The following NRG3 variants were observed in gnomAD, a reference collection of about 807,000 sequenced individuals.
The protein encoded by NRG3 is pro-neuregulin-3, membrane-bound isoform.
NRG3 carries 31 observed loss-of-function variants against 66.9 expected under a neutral mutation model. That is an observed-to-expected ratio of 0.46 (90% CI 0.35 to 0.63). The LOEUF is 0.63. Among genes scored for constraint, NRG3 ranks in the 20% least tolerant of loss-of-function variants. The probability of loss-of-function intolerance (pLI) is 0.00; values close to 1 mark genes in which losing one functional copy is unlikely to be tolerated. For missense variants in NRG3, 910 were observed against 878.9 expected, an observed-to-expected ratio of 1.04 and a Z score of -0.45; for synonymous variants, 393 against 359.4, an observed-to-expected ratio of 1.09 and a Z score of -1.06.
At chr10:82,769,114 A>G (rs1180449707) in intron 3 of NRG3, among the ~76,000 whole-genome samples, 1 of 152,158 alleles carries the variant, frequency 6.6e-6, no homozygotes, top group Admixed American at 6.6e-5. Flanking sequence ...TTTAACCCAT[A>G]AAGAAAATGG....
intron 2 of NRG3, among the ~76,000 whole-genome samples, chr10:82,388,402 C>T (rs2086146706): frequency 6.6e-6 from 1 of 152,050 alleles, no homozygotes; most frequent in South Asian, 2.1e-4. Flanking sequence ...ATCTGAGAAA[C>T]TAGAAGTATT....
At chr10:82,319,424 G>GCC (rs1564790867) in intron 1 of NRG3, among the ~76,000 whole-genome samples, 1 of 152,166 alleles carries the variant, frequency 6.6e-6, no homozygotes, top group African/African-American at 2.4e-5. Flanking sequence ...CCTAAATTCC[G>GCC]CCGAAAGGCA....
intron 1 of NRG3, among the ~76,000 whole-genome samples, chr10:81,934,798 G>T (rs1847710055): frequency 6.6e-6 from 1 of 152,030 alleles, no homozygotes; most frequent in South Asian, 2.1e-4. Flanking sequence ...GACAAATCAT[G>T]CTCTATTTGA....
intron 1 of NRG3, among the ~76,000 whole-genome samples, chr10:81,898,540 C>T (rs953557727): frequency 5.9e-5 from 9 of 152,150 alleles, no homozygotes; most frequent in Admixed American, 4.6e-4. Context: ...GACAGTTTGT[C>T]AGTAATTTTT....
intron 2 of NRG3, among the ~76,000 whole-genome samples, chr10:82,654,301 T>G (rs1421639754): frequency 6.6e-6 from 1 of 152,168 alleles, no homozygotes; most frequent in Non-Finnish European, 1.5e-5. Flanking sequence ...CAAATCATTT[T>G]AAAATAAAGA....
chr10:82,639,616 G>T (rs1320477714), intron 2 of NRG3, among the ~76,000 whole-genome samples: 2 of 152,248 alleles, frequency 1.3e-5, no homozygotes, highest in East Asian at 3.9e-4. Flanking sequence ...TTTCAAAGCT[G>T]CTAGAAGTTA....
intron 3 of NRG3, among the ~76,000 whole-genome samples, chr10:82,842,876 A>G (rs1225951269): frequency 6.6e-6 from 1 of 152,206 alleles, no homozygotes; most frequent in African/African-American, 2.4e-5. Context: ...GCAAGCCACC[A>G]CACCTGGCTA....
chr10:81,942,179 C>T (rs1421805487), intron 1 of NRG3, among the ~76,000 whole-genome samples: 1 of 152,036 alleles, frequency 6.6e-6, no homozygotes, highest in African/African-American at 2.4e-5. Context: ...AGACTCCAAC[C>T]CAGAATTCAA....
intron 1 of NRG3, among the ~76,000 whole-genome samples, chr10:82,065,107 A>G (rs1187003479): frequency 1.3e-5 from 2 of 152,162 alleles, no homozygotes; most frequent in Non-Finnish European, 2.9e-5. Flanking sequence ...TTCTAAAATA[A>G]TGGATTTTCA....
chr10:81,947,288 C>A (rs1848931817), intron 1 of NRG3, among the ~76,000 whole-genome samples: 2 of 152,140 alleles, frequency 1.3e-5, no homozygotes, highest in African/African-American at 4.8e-5. Context: ...CCCACTCCAG[C>A]AACCTCATTT....
At chr10:82,291,293 C>T (rs998607501) in intron 1 of NRG3, among the ~76,000 whole-genome samples, 2 of 152,078 alleles carry the variant, frequency 1.3e-5, no homozygotes, top group African/African-American at 4.8e-5. Flanking sequence ...CTTTAAAAAA[C>T]ATAATCTGTA....
chr10:82,474,353 T>C (rs1055121099), intron 2 of NRG3, among the ~76,000 whole-genome samples: 3 of 150,118 alleles, frequency 2.0e-5, no homozygotes, highest in Admixed American at 1.4e-4. Flanking sequence ...AAAACATGAA[T>C]GGATGACTAA....
At position 82,173,266 on chromosome 10, in the gene NRG3, T is replaced by C. The variant is rs557668661; in HGVS notation, c.824-185473T>C. ...AAAAAGGCCAATGTAGCCAGATACA[T>C]TAAGTTTTTTTTTTTTCCATTTGTC... is the stretch of plus-strand genomic sequence containing the variant. On this transcript the variant is annotated intron_variant, in intron 1 of 8. Coordinates refer to ENST00000372141, the MANE Select transcript of NRG3 (RefSeq NM_001010848.4). Among the ~76,000 whole-genome samples the C allele has an allele frequency of 3.3e-5, 5 of 149,992 alleles. No homozygotes were observed. The East Asian group carries it at 1.0e-3, about 31-fold the overall frequency.
chr10:82,273,360 G>T (rs552283737), intron 1 of NRG3, among the ~76,000 whole-genome samples: 1 of 151,870 alleles, frequency 6.6e-6, no homozygotes, highest in African/African-American at 2.4e-5. Context: ...AAAGTACAAG[G>T]GTGATGTTTT....
intron 3 of NRG3, among the ~76,000 whole-genome samples, chr10:82,774,382 A>G (rs1212006441): frequency 1.3e-5 from 2 of 152,148 alleles, no homozygotes; most frequent in Non-Finnish European, 2.9e-5. Flanking sequence ...TTCAACCATG[A>G]AGTAATCTGG....
rs114532728 is a variant in NRG3, at chr10:82,280,551, A to C, written c.824-78188A>C. Among the ~76,000 whole-genome samples the C allele has an allele frequency of 8.3e-3, 1,270 of 152,270 alleles. 14 individuals are homozygous for C. The highest frequency in any genetic ancestry group is 0.029 in the African/African-American group (1,206 of 41,582). On this transcript the variant is annotated intron_variant, in intron 1 of 8. Coordinates refer to ENST00000372141, the MANE Select transcript of NRG3 (RefSeq NM_001010848.4). ...TTTAGAACATGACTGAAGATGACCA[A>C]ACACACTCTCCAGAAAGTTTTAGTC...
intron 3 of NRG3, among the ~76,000 whole-genome samples, chr10:82,792,901 G>A (rs780327033): frequency 6.6e-6 from 1 of 151,892 alleles, no homozygotes; most frequent in East Asian, 1.9e-4. Context: ...AGGCTGGTCC[G>A]AACTCCCAAC....
rs556476541 is a variant in NRG3, at chr10:82,952,302, G to A, written c.1157+731G>A. Reference sequence around the variant, plus strand: ...ACAAAAATTAGTTGGGCATGGTGGCGTGCCACTGTAGTCCCACCTACTTGG... The same window carrying A: ...ACAAAAATTAGTTGGGCATGGTGGCATGCCACTGTAGTCCCACCTACTTGG... On this transcript the variant is annotated intron_variant, in intron 5 of 8. Coordinates refer to ENST00000372141, the MANE Select transcript of NRG3 (RefSeq NM_001010848.4). 8.6e-5 allele frequency among the ~76,000 whole-genome samples: 13 copies of A among 151,930 alleles called. No homozygotes were observed. In the South Asian group the frequency reaches 1.2e-3, roughly 15 times the overall value.
At chr10:82,431,388 G>C (rs532418982) in intron 2 of NRG3, among the ~76,000 whole-genome samples, 5 of 152,242 alleles carry the variant, frequency 3.3e-5, no homozygotes, top group Non-Finnish European at 5.9e-5. Context: ...TGGAACTAAG[G>C]TGAGAGGAAT....
Sources: gnomAD v4.1 joint callset for allele counts (sites outside exome capture counted in the v4.1 genomes callset) on GRCh38, gnomAD v4.1.1 for gene constraint, MANE v1.5 for transcripts, NCBI Gene and HGNC (gene_info 2026-07-23, HGNC 2026-07-21) for gene names.